The following TDP2 variants were observed in gnomAD, a reference collection of about 807,000 sequenced individuals.
TDP2 encodes the protein 5'-Tyr-DNA phosphodiesterase.
A neutral mutation model predicts 42.8 loss-of-function variants in TDP2; 38 were observed. The ratio of observed to expected loss-of-function variants is 0.89; its 90% CI spans 0.68 to 1.16. TDP2 has a LOEUF of 1.16. TDP2 is among the 50% of genes most tolerant of loss of function. TDP2 has a pLI of 0.00. For synonymous variants in TDP2, 173 were observed against 150.6 expected (o/e 1.15, Z -1.09); for missense variants, 439 against 439.3 (o/e 1.00, Z 0.01).
At chr6:24,653,513 T>C (rs1488658459) in intron 5 of TDP2, among the ~76,000 whole-genome samples, 2 of 152,168 alleles carry the variant, frequency 1.3e-5, no homozygotes, top group Non-Finnish European at 2.9e-5. Context: ...TACAAAGCCA[T>C]AAGTCATTTG....
rs1215805990 is a variant in TDP2, at chr6:24,650,831, C to G, written c.1046G>C (p.Ser349Thr). The stretch of plus-strand genomic sequence containing the variant: ...GTTGCACAGAAGACCCCAGTGATCA[C>G]TAGGAAATCTACCACAGTCCAGTTT... ...LEKLDCGRFP[S>T]DHWGLLCNLD... The change falls in exon 7 of 7, where the codon AGT (serine) becomes ACT (threonine). Residue 349 changes from serine to threonine, a missense_variant. Coordinates refer to ENST00000378198, the MANE Select transcript of TDP2 (RefSeq NM_016614.3). 1.2e-6 allele frequency: 2 copies of G among 1,614,012 alleles called. No individual in the cohort carries two copies. Among genetic ancestry groups the G allele is most frequent in the African/African-American group, 2.7e-5 (2 of 74,928 alleles).
rs775886529 is a variant in TDP2 at position 24,650,883 on chromosome 6, G to A, written c.994C>T (p.Arg332Ter). The A allele has an allele frequency of 8.7e-6, 14 of 1,614,088 alleles. No individual in the cohort carries two copies. The highest frequency in any genetic ancestry group is 4.0e-5 in the African/African-American group (3 of 75,032). ...AAAEEGHIIPRSLDLLGLEKL... is the reference protein window; with the variant it reads ...AAAEEGHIIP ...TCTAATCCAAGAAGGTCCAAACTTC[G>A]GGGAATAATGTGTCCCTCTTCTGCT... The change falls in exon 7 of 7, where the codon CGA becomes TGA. Residue 332 changes from arginine to a stop codon, truncating the protein, a stop_gained. Coordinates refer to ENST00000378198, the MANE Select transcript of TDP2 (RefSeq NM_016614.3). LOFTEE classifies it high-confidence loss of function.
At chr6:24,665,270 G>C (rs1432518224) in intron 2 of TDP2, among the ~76,000 whole-genome samples, 2 of 152,154 alleles carry the variant, frequency 1.3e-5, no homozygotes, top group Non-Finnish European at 2.9e-5. Context: ...AGCTCCATAG[G>C]AAGACTCAGA....
intron 5 of TDP2, 90 bp from the exon 6 acceptor site, chr6:24,653,243 G>C: frequency 7.6e-7 from 1 of 1,323,202 alleles, no homozygotes. Context: ...CTGTCAAATG[G>C]TATATATTTA....
chr6:24,654,218 T>G (rs796764907), intron 5 of TDP2, among the ~76,000 whole-genome samples, 194 bp downstream of exon 5: 1 of 152,200 alleles, frequency 6.6e-6, no homozygotes, highest in African/African-American at 2.4e-5. Flanking sequence ...AAGAAAACAA[T>G]AGACTGAGAA....
chr6:24,657,642 T>A (rs1160070774), intron 4 of TDP2, among the ~76,000 whole-genome samples, 170 bp downstream of exon 4: 2 of 152,170 alleles, frequency 1.3e-5, no homozygotes, highest in African/African-American at 4.8e-5. Flanking sequence ...TATTAAGTTG[T>A]ATAAAATATT....
At position 24,657,870 on chromosome 6, in the gene TDP2, A is replaced by T; in HGVS notation, c.459T>A (p.Val153=). The change falls in exon 4 of 7, where the codon GTT becomes GTA. Residue 153 remains valine (V), a synonymous_variant. Transcript: ENST00000378198. ...TTAGGTAGCTATAATATGGGGGAAT[A>T]ACTTCCTGTAGAAATATCACATCTG... ...YSPDVIFLQE[V]IPPYYSYLKK... 6.3e-7 allele frequency: 1 copy of T among 1,585,782 alleles called. No homozygotes were observed. The highest frequency in any genetic ancestry group is 1.8e-5 in the Admixed American group (1 of 55,122).
chr6:24,656,183 T>C (rs1342439932), intron 4 of TDP2, among the ~76,000 whole-genome samples: 1 of 152,046 alleles, frequency 6.6e-6, no homozygotes, highest in African/African-American at 2.4e-5. Context: ...AAGAAAAGTG[T>C]GCCATAAAAA....
rs1463341727 is a variant in TDP2, at chr6:24,657,795, A to G, written c.517+17T>C. ...GTTTTTCAAAGAAAAGACAAGTTGA[A>G]TAACAAAAATTGTTACCTGTAATAA... On this transcript the variant is annotated intron_variant, in intron 4 of 6. Transcript: ENST00000378198. 4 of 1,429,444 alleles carry G rather than the reference A, an allele frequency of 2.8e-6. No individual in the cohort carries two copies. The South Asian group carries it at 5.0e-5, about 18-fold the overall frequency. 88.5% of individuals were successfully genotyped at this position (1,429,444 alleles called of 1,614,324 possible). A position where few individuals can be genotyped will look rare whatever the true frequency, so the allele number is the denominator to read the frequency against.
intron 3 of TDP2, 41 bp from the exon 4 acceptor site, chr6:24,657,944 C>A: frequency 7.4e-7 from 1 of 1,357,350 alleles, no homozygotes; most frequent in South Asian, 1.3e-5. Flanking sequence ...CCAAGTATAC[C>A]ATTTCATTTT....
chr6:24,666,184 C>T, intron 2 of TDP2: 2 of 1,550,522 alleles, frequency 1.3e-6, no homozygotes, highest in East Asian at 2.4e-5. Flanking sequence ...AAGGAGACTT[C>T]CAAGTTGCCA....
At chr6:24,665,976 T>C in intron 2 of TDP2, 1 of 1,178,962 alleles carries the variant, frequency 8.5e-7, no homozygotes, top group Non-Finnish European at 1.1e-6. Flanking sequence ...GCCTGGAACC[T>C]GGAAAGGCAG....
At chr6:24,658,922 C>A in intron 2 of TDP2, 188 bp from the exon 3 acceptor site, 1 of 605,688 alleles carries the variant, frequency 1.7e-6, no homozygotes, top group African/African-American at 1.9e-5. Context: ...ATTAATCACG[C>A]TGCACTTTGG....
At position 24,658,624 on chromosome 6, in the gene TDP2, A is replaced by G. The variant is rs761522826; in HGVS notation, c.362T>C (p.Ile121Thr). 1.4e-5 allele frequency: 22 copies of G among 1,613,874 alleles called. No individual in the cohort carries two copies. The Admixed American group carries it at 1.5e-4, about 11-fold the overall frequency. The change falls in exon 3 of 7, where the codon ATT becomes ACT. Residue 121 changes from isoleucine to threonine, a missense_variant. By Grantham distance (89) the Ile-to-Thr change is moderately conservative. Coordinates refer to ENST00000378198, the MANE Select transcript of TDP2 (RefSeq NM_016614.3). ...GSMFSLITWNIDGLDLNNLSE... is the reference protein window; with the variant it reads ...GSMFSLITWNTDGLDLNNLSE... ...CAGATTGTTTAGATCTAATCCATCA[A>G]TATTCCAGGTAATGAGAGAGAACAT...
chr6:24,657,147 C>T (rs17249931), intron 4 of TDP2, among the ~76,000 whole-genome samples: 3,612 of 152,274 alleles, frequency 0.024, 140 homozygotes, highest in African/African-American at 0.081. Flanking sequence ...TACGGTTGGT[C>T]CTCTGTATCT....
chr6:24,651,172 A>T (rs1018654629), intron 6 of TDP2, 103 bp from the exon 7 acceptor site: 1 of 898,860 alleles, frequency 1.1e-6, no homozygotes. Flanking sequence ...GCAAGAAATT[A>T]TTAATGCAGA....
rs779185834 is a variant in TDP2 at position 24,666,800 on chromosome 6, C to G, written c.63G>C (p.Glu21Asp). The G allele has an allele frequency of 6.2e-7, 1 of 1,614,234 alleles. No homozygotes were observed. The change falls in exon 1 of 7, where the codon GAG becomes GAC. Residue 21 changes from glutamate to aspartate, a missense_variant. Physicochemically the swap from Glu to Asp is conservative, Grantham distance 45. Transcript: ENST00000378198. ...REAAEEEGEP[E>D]VKKRRLLCVE... ...CACACAGAAGTCGCCGCTTTTTCAC[C>G]TCAGGCTCGCCCTCTTCCTCCGCCG...
chr6:24,666,302 C>G (rs552394171), intron 2 of TDP2: 2 of 1,528,852 alleles, frequency 1.3e-6, no homozygotes, highest in Non-Finnish European at 1.8e-6. Context: ...CTCCCTGGAC[C>G]CCAAATCACG....
Position 24,666,823 on chromosome 6 carries a change from C to T in TDP2, c.40G>A (p.Ala14Thr). The change falls in exon 1 of 7, where the codon GCG becomes ACG. Residue 14 changes from alanine (A) to threonine (T), a missense_variant. By Grantham distance (58) the Ala-to-Thr change is moderately conservative. Transcript: ENST00000378198. ...ACCTCAGGCTCGCCCTCTTCCTCCG[C>T]CGCCTCCCTCCCGCCCTCCAGGCAA... ...GSCLEGGREA[A>T]EEEGEPEVKK... The T allele has an allele frequency of 6.2e-7, 1 of 1,614,176 alleles. No homozygotes were observed. The highest frequency in any genetic ancestry group is 1.3e-5 in the African/African-American group (1 of 75,086).
Sources: allele counts gnomAD v4.1 joint callset (sites outside exome capture counted in the v4.1 genomes callset), GRCh38; gene constraint gnomAD v4.1.1; transcripts MANE v1.5; gene names NCBI Gene and HGNC (gene_info 2026-07-23, HGNC 2026-07-21).